Variants in LRBA observed in about 807,000 individuals in gnomAD.
LRBA encodes lipopolysaccharide-responsive and beige-like anchor protein.
A neutral mutation model predicts 330.0 loss-of-function variants in LRBA; 176 were observed. The observed-to-expected ratio is 0.53, with a 90% CI of 0.47 to 0.60. LRBA has a LOEUF of 0.60. Among genes scored for constraint, LRBA ranks in the 20% least tolerant of loss-of-function variants. The pLI is 0.00. For missense variants in LRBA, 3,259 were observed against 3,444.8 expected (o/e 0.95, Z 1.35); for synonymous variants, 1,230 against 1,193.0 (o/e 1.03, Z -0.64).
At chr4:150,366,151 A>G (rs1003952231) in intron 47 of LRBA, among the ~76,000 whole-genome samples, 18 of 152,192 alleles carry the variant, frequency 1.2e-4, no homozygotes, top group African/African-American at 3.9e-4. Flanking sequence ...CTGATAAGAA[A>G]AAACAGTCTC....
chr4:150,840,888 T>C (rs1748973779), intron 28 of LRBA: 1 of 1,030,948 alleles, frequency 9.7e-7, no homozygotes, highest in East Asian at 7.6e-5. Context: ...TGAGACTAAT[T>C]GTTAATACTT....
chr4:150,554,800 T>C (rs187028425), intron 40 of LRBA, among the ~76,000 whole-genome samples: 1 of 152,272 alleles, frequency 6.6e-6, no homozygotes, highest in Admixed American at 6.5e-5. Context: ...TTATCTTTAG[T>C]ATAAGGTATT....
chr4:150,445,765 A>C (rs922875066), intron 44 of LRBA, among the ~76,000 whole-genome samples: 1 of 152,028 alleles, frequency 6.6e-6, no homozygotes, highest in Non-Finnish European at 1.5e-5. Context: ...CCTGGGCTCA[A>C]ACGATTCTTC....
At chr4:150,623,630 G>T (rs1166771175) in intron 37 of LRBA, among the ~76,000 whole-genome samples, 5 of 151,978 alleles carry the variant, frequency 3.3e-5, no homozygotes, top group Non-Finnish European at 5.9e-5. Flanking sequence ...ACCACTAGGA[G>T]ACTTTCTGGG....
At chr4:150,937,314 A>G (rs1159521742) in intron 2 of LRBA, among the ~76,000 whole-genome samples, 1 of 152,102 alleles carries the variant, frequency 6.6e-6, no homozygotes, top group Non-Finnish European at 1.5e-5. Context: ...TCAACCTTCA[A>G]AACACAAATT....
intron 36 of LRBA, among the ~76,000 whole-genome samples, chr4:150,694,697 C>T (rs1310802089): frequency 6.6e-6 from 1 of 151,572 alleles, no homozygotes; most frequent in Non-Finnish European, 1.5e-5. Context: ...CTCCTCCCTT[C>T]CCCCCATAAC....
intron 40 of LRBA, among the ~76,000 whole-genome samples, chr4:150,556,577 A>G (rs908924855): frequency 6.6e-6 from 1 of 152,342 alleles, no homozygotes; most frequent in African/African-American, 2.4e-5. Flanking sequence ...CCATAACTCC[A>G]ATCTCTTTAC....
At chr4:150,675,213 C>T (rs1020790263) in intron 37 of LRBA, among the ~76,000 whole-genome samples, 1 of 152,154 alleles carries the variant, frequency 6.6e-6, no homozygotes, top group South Asian at 2.1e-4. Flanking sequence ...AACAAAAAAA[C>T]AAAACAGAAG....
At chr4:150,305,482 C>G (rs7656307) in intron 52 of LRBA, among the ~76,000 whole-genome samples, 2,108 of 152,304 alleles carry the variant, frequency 0.014, 31 homozygotes, top group Non-Finnish European at 0.024. Flanking sequence ...GCCTTCTTAC[C>G]TGTATACAGT....
chr4:150,586,513 A>G (rs983102267), intron 40 of LRBA, among the ~76,000 whole-genome samples: 4 of 152,152 alleles, frequency 2.6e-5, no homozygotes, highest in African/African-American at 9.7e-5. Context: ...TGACTGAAAA[A>G]TTGTTTTTAA....
intron 44 of LRBA, among the ~76,000 whole-genome samples, chr4:150,438,640 T>C (rs1296885442): frequency 6.6e-6 from 1 of 152,150 alleles, no homozygotes; most frequent in Non-Finnish European, 1.5e-5. Flanking sequence ...AATGTTAAAA[T>C]AAATAAATCA....
At chr4:150,841,481 C>A (rs1049722904) in intron 28 of LRBA, among the ~76,000 whole-genome samples, 2 of 152,028 alleles carry the variant, frequency 1.3e-5, no homozygotes, top group Non-Finnish European at 2.9e-5. Context: ...CAAACTTGAA[C>A]AAGATAAGGC....
intron 30 of LRBA, among the ~76,000 whole-genome samples, chr4:150,818,096 C>T (rs1270273726): frequency 1.3e-5 from 2 of 152,048 alleles, no homozygotes; most frequent in Non-Finnish European, 2.9e-5. Flanking sequence ...ACTATAACTG[C>T]GAGCTTCAAG....
chr4:150,761,640 T>C (rs1735102239), intron 35 of LRBA, 143 bp downstream of exon 35: 2 of 500,508 alleles, frequency 4.0e-6, no homozygotes, highest in Non-Finnish European at 7.1e-6. Context: ...TATTAACATA[T>C]ACATAATAAT....
intron 53 of LRBA, among the ~76,000 whole-genome samples, chr4:150,289,925 G>A (rs1181326585): frequency 6.6e-6 from 1 of 152,194 alleles, no homozygotes; most frequent in Non-Finnish European, 1.5e-5. Context: ...ACTGAGGGTA[G>A]CGGGGATAAT....
At chr4:150,690,927 CT>C (rs70941427) in intron 36 of LRBA, among the ~76,000 whole-genome samples, 69,352 of 106,070 alleles carry the variant, frequency 0.65, 26,420 homozygotes, top group Non-Finnish European at 0.87. Flanking sequence ...AACACCTGGT[CT>C]TTTTTTTTTT....
chr4:150,828,540 T>C lies in LRBA; in HGVS notation c.4811A>G (p.Asp1604Gly). The C allele has an allele frequency of 6.2e-7, 1 of 1,614,038 alleles. No individual in the cohort carries two copies. Among genetic ancestry groups the C allele is most frequent in the Non-Finnish European group, 8.5e-7 (1 of 1,179,990 alleles). The change falls in exon 30 of 57, where the codon GAC becomes GGC. Residue 1604 changes from aspartate (D) to glycine (G), a missense_variant. By Grantham distance (94) the Asp-to-Gly change is moderately conservative. Transcript: ENST00000651943. Reference protein sequence around the residue: ...SESTSSARRRDSGIGEETATG... With the variant: ...SESTSSARRRGSGIGEETATG... ...GGCTGTTTCTTCCCCAATGCCTGAG[T>C]CCCTCCTTCGAGCAGATGATGTGCT...
At chr4:150,697,275 G>C (rs1784703647) in intron 36 of LRBA, among the ~76,000 whole-genome samples, 1 of 115,984 alleles carries the variant, frequency 8.6e-6, no homozygotes, top group African/African-American at 3.3e-5. Flanking sequence ...AGTGAGCCAA[G>C]ATCACACCAC....
chr4:150,592,144 GTTTTTTTTTTTTTT>G (rs10685627), intron 38 of LRBA, among the ~76,000 whole-genome samples: 2 of 65,166 alleles, frequency 3.1e-5, no homozygotes, highest in Non-Finnish European at 5.1e-5. Flanking sequence ...GATGGCTAGG[GTTTTTTTTTTTTTT>G]TTTTTTTTTT....
Sources: allele counts gnomAD v4.1 joint callset (sites outside exome capture counted in the v4.1 genomes callset), GRCh38; gene constraint gnomAD v4.1.1; transcripts MANE v1.5; gene names NCBI Gene and HGNC (gene_info 2026-07-23, HGNC 2026-07-21).